Variants in AP1S2 observed in about 807,000 individuals in gnomAD.
AP1S2 encodes the protein adaptor related protein complex 1 subunit sigma 2, also known as AP-1 complex subunit sigma-2.
A neutral mutation model predicts 14.3 loss-of-function variants in AP1S2; 1 was observed. The observed-to-expected ratio is 0.07, with a 90% CI of 0.02 to 0.33. The LOEUF (loss-of-function observed/expected upper bound fraction) is 0.33, where lower values mean the gene tolerates loss of function less well. Ranked by LOEUF, AP1S2 falls within the 10% of genes least tolerant of loss-of-function variation. The pLI is 0.99. For synonymous variants in AP1S2, 30 were observed against 40.5 expected, an observed-to-expected ratio of 0.74 and a Z score of 0.99; for missense variants, 30 against 117.7, an observed-to-expected ratio of 0.25 and a Z score of 3.45.
At chrX:15,839,434 T>C (rs756310367) in intron 4 of AP1S2, among the ~76,000 whole-genome samples, 2 of 111,545 alleles carry the variant, frequency 1.8e-5, no homozygotes, top group East Asian at 5.6e-4. Context: ...TGGACTAGCA[T>C]GCCCAAATAT....
At chrX:15,845,794 C>A in intron 3 of AP1S2, 109 bp downstream of exon 3, 2 of 732,920 alleles carry the variant, frequency 2.7e-6, no homozygotes, top group Non-Finnish European at 4.3e-6. Flanking sequence ...GTCATTCCCA[C>A]CCTCTCCCGC....
At chrX:15,850,124 C>T (rs1934127391) in intron 2 of AP1S2, among the ~76,000 whole-genome samples, 1 of 111,425 alleles carries the variant, frequency 9.0e-6, no homozygotes, top group Admixed American at 9.6e-5. Context: ...TCTCCTTTGC[C>T]TGCCACTTGA....
At chrX:15,837,492 T>C (rs1004823172) in intron 4 of AP1S2, among the ~76,000 whole-genome samples, 1 of 111,131 alleles carries the variant, frequency 9.0e-6, no homozygotes, top group African/African-American at 3.3e-5. Context: ...AATTAAATTA[T>C]AGAGTGACAT....
intron 2 of AP1S2, among the ~76,000 whole-genome samples, chrX:15,846,224 C>T (rs1933996699): frequency 8.9e-6 from 1 of 111,906 alleles, no homozygotes; most frequent in African/African-American, 3.2e-5. Flanking sequence ...TCAAAATAAT[C>T]ATACCACTTA....
chrX:15,847,730 C>CT (rs1010953831), intron 2 of AP1S2, among the ~76,000 whole-genome samples: 6 of 111,697 alleles, frequency 5.4e-5, no homozygotes, highest in African/African-American at 2.0e-4. Flanking sequence ...TTAAATAGAA[C>CT]TTTGAATTTG....
At chrX:15,849,760 G>C (rs1229094153) in intron 2 of AP1S2, among the ~76,000 whole-genome samples, 2 of 110,366 alleles carry the variant, frequency 1.8e-5, no homozygotes, top group Non-Finnish European at 1.9e-5. Flanking sequence ...CCTCCACACG[G>C]GGGACTCCTT....
chrX:15,853,341 T>A (rs934949781), intron 1 of AP1S2, among the ~76,000 whole-genome samples: 4 of 112,760 alleles, frequency 3.5e-5, no homozygotes, highest in Non-Finnish European at 5.6e-5. Context: ...ATACTTAAAC[T>A]AATTTGTATG....
intron 1 of AP1S2, among the ~76,000 whole-genome samples, chrX:15,853,552 G>C (rs1020252232): frequency 2.7e-5 from 3 of 112,066 alleles, no homozygotes; most frequent in African/African-American, 9.7e-5. Context: ...CTGCAAATAA[G>C]ATTCAAGCAT....
rs954538725 is a variant in AP1S2 at position 15,832,062 on chromosome X, C to A, written c.427-3862G>T. 3 of 744,559 alleles carry A rather than the reference C, an allele frequency of 4.0e-6. No individual in the cohort carries two copies. In the African/African-American group the frequency reaches 7.0e-5, roughly 17 times the overall value. The allele number at this position is 744,559 out of a possible 1,213,427, so 61.4% of individuals were successfully genotyped here. On this transcript the variant is annotated intron_variant, in intron 4 of 5. Coordinates refer to ENST00000672987, the MANE Select transcript of AP1S2 (RefSeq NM_001272071.2). ...GAAGGTTTTTAACCGTTTACTTATACCTACAAAAGCAAAAAATCCAAAGAA... is the reference window on the plus strand; with the variant it reads ...GAAGGTTTTTAACCGTTTACTTATAACTACAAAAGCAAAAAATCCAAAGAA...
chrX:15,832,428 C>G (rs1348375659), intron 4 of AP1S2: 1 of 708,547 alleles, frequency 1.4e-6, no homozygotes, highest in Admixed American at 8.9e-5. Flanking sequence ...CCTAAACTTA[C>G]ACAACCATTA....
chrX:15,843,024 C>CA (rs10712499), intron 4 of AP1S2, among the ~76,000 whole-genome samples: 24 of 63,481 alleles, frequency 3.8e-4, no homozygotes, highest in Admixed American at 1.6e-3. Flanking sequence ...AACTCCATCT[C>CA]AAAAAAAAAA....
chrX:15,835,153 A>AAGGG (rs1358287627), intron 4 of AP1S2, among the ~76,000 whole-genome samples: 1 of 112,560 alleles, frequency 8.9e-6, no homozygotes, highest in Admixed American at 9.4e-5. Flanking sequence ...CTGAATGCCT[A>AAGGG]AACTCCTGAT....
intron 1 of AP1S2, 30 bp from the exon 2 acceptor site, chrX:15,852,554 T>C (rs754954695): frequency 6.1e-6 from 7 of 1,147,006 alleles, no homozygotes; most frequent in Non-Finnish European, 4.7e-6. Flanking sequence ...CAAGATTACA[T>C]GTAATACTTT....
chrX:15,834,481 A>ATATATATATATATATATAGATAAT (rs1569080380), intron 4 of AP1S2, among the ~76,000 whole-genome samples: 1 of 13,018 alleles, frequency 7.7e-5, no homozygotes, highest in African/African-American at 4.1e-4. Context: ...TATATATATA[A>ATATATATATATATATATAGATAAT]TTTTTTTTTT....
intron 2 of AP1S2, among the ~76,000 whole-genome samples, chrX:15,846,508 T>A (rs1365431190): frequency 9.0e-6 from 1 of 111,233 alleles, no homozygotes; most frequent in African/African-American, 3.3e-5. Context: ...CTCAATAAAT[T>A]TTCAAAGTGA....
intron 4 of AP1S2, among the ~76,000 whole-genome samples, chrX:15,844,364 G>A (rs1933935428): frequency 8.9e-6 from 1 of 112,355 alleles, no homozygotes; most frequent in Non-Finnish European, 1.9e-5. Flanking sequence ...TGATAAACAT[G>A]TATGTAACAA....
intron 4 of AP1S2, chrX:15,831,337 A>T (rs1234670816): frequency 1.3e-6 from 1 of 753,566 alleles, no homozygotes; most frequent in South Asian, 6.6e-5. Context: ...TATCAAGATC[A>T]CATATAGAAT....
intron 2 of AP1S2, among the ~76,000 whole-genome samples, chrX:15,846,293 T>C (rs779294539): frequency 5.9e-4 from 66 of 112,003 alleles, no homozygotes; most frequent in African/African-American, 2.1e-3. Context: ...TTTTAAAACA[T>C]AGCAGACCCA....
intron 4 of AP1S2, among the ~76,000 whole-genome samples, chrX:15,838,612 A>G (rs1601851648): frequency 9.0e-6 from 1 of 111,007 alleles, no homozygotes; most frequent in Non-Finnish European, 1.9e-5. Context: ...TAAGAAAAGA[A>G]TAGAATAGAA....
Sources: gnomAD v4.1 joint callset for allele counts (sites outside exome capture counted in the v4.1 genomes callset) on GRCh38, gnomAD v4.1.1 for gene constraint, MANE v1.5 for transcripts, NCBI Gene and HGNC (gene_info 2026-07-23, HGNC 2026-07-21) for gene names.